GNG4: variants seen among roughly 807,000 people sequenced by gnomAD.
GNG4 encodes guanine nucleotide-binding protein G(I)/G(S)/G(O) subunit gamma-4.
GNG4 carries 4 observed loss-of-function variants against 5.8 expected under a neutral mutation model. The observed-to-expected ratio is 0.69, with a 90% CI of 0.34 to 1.57. The LOEUF (loss-of-function observed/expected upper bound fraction) is 1.57. Among genes scored for constraint, GNG4 ranks in the 40% most tolerant of loss-of-function variants. The pLI is 0.06. For synonymous variants in GNG4, 29 were observed against 32.9 expected (o/e 0.88, Z 0.41); for missense variants, 96 against 95.1 (o/e 1.01, Z -0.04).
chr1:235,600,668 C>T (rs907341768), intron 1 of GNG4, among the ~76,000 whole-genome samples: 1 of 152,184 alleles, frequency 6.6e-6, no homozygotes, highest in African/African-American at 2.4e-5. Flanking sequence ...AAGGATCCTC[C>T]CACCTTGGCA....
intron 1 of GNG4, among the ~76,000 whole-genome samples, chr1:235,606,505 T>C (rs1688364272): frequency 6.6e-6 from 1 of 151,506 alleles, no homozygotes; most frequent in South Asian, 2.1e-4. Context: ...GTGGTTAGGA[T>C]CTGGATGCTG....
chr1:235,596,126 A>G (rs1449578022), intron 1 of GNG4, among the ~76,000 whole-genome samples: 2 of 152,070 alleles, frequency 1.3e-5, no homozygotes, highest in South Asian at 2.1e-4. Flanking sequence ...GTGAGCCAAG[A>G]TCGCTCCACT....
intron 1 of GNG4, among the ~76,000 whole-genome samples, chr1:235,633,894 T>C (rs778818004): frequency 9.2e-5 from 14 of 152,140 alleles, no homozygotes; most frequent in Non-Finnish European, 1.6e-4. Context: ...AATGTACACA[T>C]GGCCCAGCTC....
intron 3 of GNG4, among the ~76,000 whole-genome samples, chr1:235,570,390 TCTTC>T (rs1176696834): frequency 9.4e-6 from 1 of 105,906 alleles, no homozygotes; most frequent in Non-Finnish European, 1.8e-5. Flanking sequence ...TAGTTTCACC[TCTTC>T]TTTTTTTTTT....
At chr1:235,593,984 C>A (rs950349200) in intron 2 of GNG4, among the ~76,000 whole-genome samples, 2 of 152,200 alleles carry the variant, frequency 1.3e-5, no homozygotes, top group Non-Finnish European at 2.9e-5. Flanking sequence ...AATCTGGCCC[C>A]ACCTACATCC....
chr1:235,596,527 CAAAAA>C (rs1459915232), intron 1 of GNG4, among the ~76,000 whole-genome samples: 2 of 151,864 alleles, frequency 1.3e-5, no homozygotes, highest in Non-Finnish European at 2.9e-5. Flanking sequence ...CAAAACAAAA[CAAAAA>C]AACACCTATT....
chr1:235,570,642 T>C (rs542509858), intron 3 of GNG4, among the ~76,000 whole-genome samples: 1 of 151,442 alleles, frequency 6.6e-6, no homozygotes, highest in African/African-American at 2.4e-5. Context: ...GGTGATCCAC[T>C]CCCCCTCTCA....
intron 1 of GNG4, among the ~76,000 whole-genome samples, chr1:235,595,956 C>T (rs1688112177): frequency 1.4e-5 from 2 of 143,414 alleles, no homozygotes; most frequent in Admixed American, 1.4e-4. Context: ...GGGCGGATCA[C>T]GAGGTCAGGA....
At chr1:235,603,350 C>T (rs925095400) in intron 1 of GNG4, among the ~76,000 whole-genome samples, 1 of 152,080 alleles carries the variant, frequency 6.6e-6, no homozygotes, top group Non-Finnish European at 1.5e-5. Flanking sequence ...GCAAAGGGCA[C>T]AGCCTTTCTA....
chr1:235,599,782 C>T (rs1688215248), intron 1 of GNG4, among the ~76,000 whole-genome samples: 1 of 152,134 alleles, frequency 6.6e-6, no homozygotes, highest in Non-Finnish European at 1.5e-5. Context: ...GTGCTGTTCT[C>T]CTGACCCTTA....
chr1:235,589,559 C>T (rs1687908464), intron 2 of GNG4, among the ~76,000 whole-genome samples: 1 of 152,174 alleles, frequency 6.6e-6, no homozygotes, highest in Admixed American at 6.5e-5. Context: ...CCACTCCCCT[C>T]GAACCTCAGC....
intron 3 of GNG4, among the ~76,000 whole-genome samples, chr1:235,566,515 GGTGA>G (rs1238003422): frequency 1.3e-5 from 2 of 152,154 alleles, no homozygotes; most frequent in Non-Finnish European, 2.9e-5. Context: ...TCTACATTAT[GGTGA>G]GTATGTAATA....
intron 3 of GNG4, among the ~76,000 whole-genome samples, chr1:235,572,605 A>G (rs888389845): frequency 2.7e-5 from 4 of 150,868 alleles, no homozygotes; most frequent in African/African-American, 9.8e-5. Flanking sequence ...GGGTTCAAGC[A>G]ATTCTCATGC....
At chr1:235,591,680 A>T (rs1687967921) in intron 2 of GNG4, among the ~76,000 whole-genome samples, 1 of 152,148 alleles carries the variant, frequency 6.6e-6, no homozygotes, top group Non-Finnish European at 1.5e-5. Context: ...AGCTGCAACA[A>T]ATCTCCACAC....
chr1:235,643,879 A>G (rs1657426855), intron 1 of GNG4, among the ~76,000 whole-genome samples: 1 of 152,220 alleles, frequency 6.6e-6, no homozygotes, highest in African/African-American at 2.4e-5. Flanking sequence ...TAGCACAAGG[A>G]GAGGGTCTAA....
intron 1 of GNG4, among the ~76,000 whole-genome samples, chr1:235,604,612 C>T (rs1688322324): frequency 6.6e-6 from 1 of 152,186 alleles, no homozygotes; most frequent in Non-Finnish European, 1.5e-5. Context: ...TCACATAACC[C>T]ACTTCTCTGT....
At chr1:235,595,161 AT>A (rs937903165) in intron 2 of GNG4, among the ~76,000 whole-genome samples, 5 of 152,198 alleles carry the variant, frequency 3.3e-5, no homozygotes, top group Admixed American at 2.6e-4. Context: ...ACAGGTGCAC[AT>A]CCATTCACAT....
chr1:235,581,676 G>A (rs1187015765), intron 3 of GNG4, among the ~76,000 whole-genome samples: 1 of 151,950 alleles, frequency 6.6e-6, no homozygotes, highest in Non-Finnish European at 1.5e-5. Flanking sequence ...CAGGCATCAT[G>A]CTTGCTGGAC....
chr1:235,596,660 A>G (rs552796273), intron 1 of GNG4, among the ~76,000 whole-genome samples: 1 of 152,248 alleles, frequency 6.6e-6, no homozygotes, highest in African/African-American at 2.4e-5. Flanking sequence ...TACATGCATT[A>G]GAAATTTGAT....
Sources: gnomAD v4.1 joint callset for allele counts (sites outside exome capture counted in the v4.1 genomes callset) on GRCh38, gnomAD v4.1.1 for gene constraint, MANE v1.5 for transcripts, NCBI Gene and HGNC (gene_info 2026-07-23, HGNC 2026-07-21) for gene names.